Variants in RGL1 observed in about 807,000 individuals in gnomAD.
The protein encoded by RGL1 is ral guanine nucleotide dissociation stimulator like 1.
A neutral mutation model predicts 95.2 loss-of-function variants in RGL1; 24 were observed. The observed-to-expected ratio is 0.25, with a 90% CI of 0.18 to 0.35. RGL1 has a LOEUF of 0.35. RGL1 is among the 10% of genes least tolerant of loss of function. The probability of loss-of-function intolerance (pLI) is 1.00; values close to 1 mark genes in which losing one functional copy is unlikely to be tolerated. For synonymous variants in RGL1, 329 were observed against 344.9 expected, an observed-to-expected ratio of 0.95 and a Z score of 0.51; for missense variants, 715 against 936.3, an observed-to-expected ratio of 0.76 and a Z score of 3.08.
intron 1 of RGL1, among the ~76,000 whole-genome samples, chr1:183,636,917 G>T (rs1027771623): frequency 1.3e-5 from 2 of 152,166 alleles, no homozygotes; most frequent in African/African-American, 2.4e-5. Context: ...GACACTGCTC[G>T]GTATGGGTCC....
chr1:183,677,297 ATC>A (rs751455802), intron 1 of RGL1, among the ~76,000 whole-genome samples: 2 of 150,324 alleles, frequency 1.3e-5, no homozygotes, highest in African/African-American at 2.5e-5. Flanking sequence ...GGAAGATGGG[ATC>A]TCTCTCTCTT....
At chr1:183,908,382 A>T (rs2102719703) in intron 14 of RGL1, among the ~76,000 whole-genome samples, 1 of 152,212 alleles carries the variant, frequency 6.6e-6, no homozygotes, top group Non-Finnish European at 1.5e-5. Flanking sequence ...CCATCAGGTG[A>T]TATGGGTGGT....
chr1:183,881,339 C>T (rs915574579), intron 5 of RGL1, among the ~76,000 whole-genome samples: 15 of 152,322 alleles, frequency 9.8e-5, no homozygotes, highest in African/African-American at 3.6e-4. Flanking sequence ...GGTCCCCTGC[C>T]AGTGCAGATT....
intron 10 of RGL1, among the ~76,000 whole-genome samples, 162 bp from the exon 11 acceptor site, chr1:183,899,988 A>G (rs1216772135): frequency 2.0e-5 from 3 of 152,218 alleles, no homozygotes; most frequent in Admixed American, 6.5e-5. Flanking sequence ...TGGAGTTTCT[A>G]TCCTATTTGT....
chr1:183,643,232 G>A (rs1333813439), intron 1 of RGL1, among the ~76,000 whole-genome samples: 1 of 151,856 alleles, frequency 6.6e-6, no homozygotes, highest in African/African-American at 2.4e-5. Flanking sequence ...ATAAACATGG[G>A]TGTAGAACTA....
chr1:183,881,313 A>G (rs552245709), intron 5 of RGL1, among the ~76,000 whole-genome samples: 49 of 152,346 alleles, frequency 3.2e-4, no homozygotes, highest in African/African-American at 1.2e-3. Context: ...CAGTATGGAA[A>G]AGCATCACTG....
intron 2 of RGL1, among the ~76,000 whole-genome samples, chr1:183,789,809 G>A (rs990251405): frequency 1.3e-5 from 2 of 151,310 alleles, no homozygotes; most frequent in African/African-American, 4.8e-5. Context: ...AGGTATGGCA[G>A]CTTTGTTCTT....
chr1:183,686,863 G>C (rs1169104571), intron 1 of RGL1, among the ~76,000 whole-genome samples: 1 of 152,056 alleles, frequency 6.6e-6, no homozygotes, highest in Non-Finnish European at 1.5e-5. Context: ...ACCTTGACTT[G>C]GCAATAAAGA....
At chr1:183,775,438 A>G (rs1659542796) in intron 2 of RGL1, among the ~76,000 whole-genome samples, 1 of 152,200 alleles carries the variant, frequency 6.6e-6, no homozygotes. Context: ...GAAGCACTTA[A>G]TTGATGTTTG....
intron 2 of RGL1, among the ~76,000 whole-genome samples, chr1:183,750,596 C>T (rs1035987689): frequency 6.7e-6 from 1 of 148,384 alleles, no homozygotes; most frequent in African/African-American, 2.4e-5. Context: ...CAGTTTTGTT[C>T]CCTTGCTGGT....
intron 2 of RGL1, among the ~76,000 whole-genome samples, chr1:183,842,170 T>G (rs1664099811): frequency 6.6e-6 from 1 of 152,124 alleles, no homozygotes; most frequent in South Asian, 2.1e-4. Flanking sequence ...TAGTACTCAC[T>G]ATTTACTTTG....
chr1:183,882,736 G>T (rs1666895205), intron 5 of RGL1, among the ~76,000 whole-genome samples: 1 of 152,158 alleles, frequency 6.6e-6, no homozygotes, highest in South Asian at 2.1e-4. Flanking sequence ...AAGGGGAAGT[G>T]GTGTAGGGTC....
intron 2 of RGL1, among the ~76,000 whole-genome samples, chr1:183,820,007 G>A (rs1020900903): frequency 2.6e-5 from 4 of 151,928 alleles, no homozygotes; most frequent in Non-Finnish European, 4.4e-5. Context: ...AGCTTGTCTT[G>A]AACTCCTAGC....
At chr1:183,729,859 GA>G (rs1211787668) in intron 1 of RGL1, among the ~76,000 whole-genome samples, 1 of 151,614 alleles carries the variant, frequency 6.6e-6, no homozygotes, top group African/African-American at 2.4e-5. Flanking sequence ...AAAGAAGACC[GA>G]AAAAAAAGTA....
At chr1:183,858,019 G>T (rs1558252903) in intron 3 of RGL1, among the ~76,000 whole-genome samples, 2 of 151,814 alleles carry the variant, frequency 1.3e-5, no homozygotes, top group African/African-American at 4.8e-5. Context: ...GAAGTAGCTT[G>T]TTTTTTTTAT....
chr1:183,896,743 G>A (rs941817006), intron 9 of RGL1, among the ~76,000 whole-genome samples: 4 of 152,126 alleles, frequency 2.6e-5, no homozygotes, highest in African/African-American at 7.2e-5. Context: ...AACCGCAAAA[G>A]CACTTAATGT....
At chr1:183,908,078 A>G (rs1383058922) in intron 14 of RGL1, among the ~76,000 whole-genome samples, 1 of 152,206 alleles carries the variant, frequency 6.6e-6, no homozygotes, top group Admixed American at 6.5e-5. Flanking sequence ...ATACATATAT[A>G]TATGCAGTAC....
intron 2 of RGL1, among the ~76,000 whole-genome samples, chr1:183,837,440 AAGG>A (rs1234200212): frequency 3.3e-5 from 5 of 152,194 alleles, no homozygotes; most frequent in Non-Finnish European, 5.9e-5. Context: ...ATGAGAGAAA[AAGG>A]AGGGAGCTAT....
chr1:183,866,040 AAAGTTC>A lies in RGL1; in HGVS notation c.394_399del (p.Ser133_Ser134del). ...CCAAACTGTGAAGAAGATGGAAGCC[AAAGTTC>A]ATCAGAGTCCAAAATGGTGATCAGG... On this transcript the variant is annotated inframe_deletion, in exon 4 of 18. Transcript: ENST00000360851. The A allele has an allele frequency of 6.2e-7, 1 of 1,614,002 alleles. No homozygotes were observed. Among genetic ancestry groups the A allele is most frequent in the Non-Finnish European group, 8.5e-7 (1 of 1,179,902 alleles).
Sources: allele counts gnomAD v4.1 joint callset (sites outside exome capture counted in the v4.1 genomes callset), GRCh38; gene constraint gnomAD v4.1.1; transcripts MANE v1.5; gene names NCBI Gene and HGNC (gene_info 2026-07-23, HGNC 2026-07-21).